UBE2B: variants seen among roughly 807,000 people sequenced by gnomAD.
The protein encoded by UBE2B is ubiquitin conjugating enzyme E2 B.
In UBE2B, 11 loss-of-function variants were observed where a neutral mutation model predicts 24.6. The ratio of observed to expected loss-of-function variants is 0.45; its 90% CI spans 0.28 to 0.74. The LOEUF is 0.74. Among genes scored for constraint, UBE2B ranks in the 30% least tolerant of loss-of-function variants. The probability of loss-of-function intolerance (pLI) is 0.13; values close to 1 mark genes in which losing one functional copy is unlikely to be tolerated. For synonymous variants in UBE2B, 68 were observed against 62.4 expected, an observed-to-expected ratio of 1.09 and a Z score of -0.42; for missense variants, 78 against 185.6, an observed-to-expected ratio of 0.42 and a Z score of 3.37.
chr5:134,390,464 AAAG>A lies in UBE2B; in HGVS notation c.*114_*116del, dbSNP rs1314309888. 2 of 1,366,246 alleles carry A rather than the reference AAAG, an allele frequency of 1.5e-6. No individual in the cohort carries two copies. Among genetic ancestry groups the A allele is most frequent in the East Asian group, 2.4e-5 (1 of 41,874 alleles). The allele number at this position is 1,366,246 out of a possible 1,614,324, so 84.6% of individuals were successfully genotyped here. On this transcript the variant is annotated 3_prime_UTR_variant, in exon 6 of 6. Coordinates refer to ENST00000265339, the MANE Select transcript of UBE2B (RefSeq NM_003337.4). The surrounding 1 kb of genome is among the most constrained non-coding windows in gnomAD (Gnocchi z 4.6). The stretch of plus-strand genomic sequence containing the variant: ...AGGTTTTAAGGATTCTGCAGAAAAA[AAAG>A]AAAAAAGTCCTTCAGTTTAGAACCT...
intron 4 of UBE2B, among the ~76,000 whole-genome samples, chr5:134,384,299 T>C (rs1479024166): frequency 1.3e-5 from 2 of 152,174 alleles, no homozygotes; most frequent in East Asian, 3.8e-4. Context: ...CAGTAATAGA[T>C]ACTACCTTTG....
intron 4 of UBE2B, among the ~76,000 whole-genome samples, chr5:134,387,709 A>G (rs1401858139): frequency 6.6e-6 from 1 of 151,962 alleles, no homozygotes; most frequent in African/African-American, 2.4e-5. Context: ...TCTGGAGTAC[A>G]CTCCTGCCCT....
chr5:134,390,503 G>A lies in UBE2B; in HGVS notation c.*150G>A, dbSNP rs1581328368. ...TTCAGTTTAGAACCTACAAAAGCTT[G>A]TGTATCTTGATTAATGTACTTTTTA... is the stretch of plus-strand genomic sequence containing the variant. On this transcript the variant is annotated 3_prime_UTR_variant, in exon 6 of 6. Transcript: ENST00000265339. This position sits in a 1 kb window ranked among gnomAD's most constrained non-coding sequence, Gnocchi z 4.6. 1.1e-6 allele frequency: 1 copy of A among 872,606 alleles called. No homozygotes were observed. Among genetic ancestry groups the A allele is most frequent in the Non-Finnish European group, 1.7e-6 (1 of 573,160 alleles). 54.1% of individuals were successfully genotyped at this position (872,606 alleles called of 1,614,324 possible). A position where few individuals can be genotyped will look rare whatever the true frequency, so the allele number is the denominator to read the frequency against.
At chr5:134,379,643 CAACA>C (rs1758671339) in intron 3 of UBE2B, among the ~76,000 whole-genome samples, 1 of 92,248 alleles carries the variant, frequency 1.1e-5, no homozygotes, top group Non-Finnish European at 2.2e-5. Context: ...GACTCTGTCT[CAACA>C]AAAAAAAAAA....
Position 134,388,349 on chromosome 5 carries a change from T to G in UBE2B, c.266T>G (p.Leu89Ter). ...GTGTATGCTGATGGTAGCATATGTT[T>G]AGATATCCTTCAGAATCGATGGAGT... ...PNVYADGSIC[L>*]DILQNRWSPT... The change falls in exon 5 of 6, where the codon TTA becomes TGA. Residue 89 changes from leucine (L) to a stop codon, truncating the protein, a stop_gained. Coordinates refer to ENST00000265339, the MANE Select transcript of UBE2B (RefSeq NM_003337.4). LOFTEE classifies it high-confidence loss of function. 6.2e-7 allele frequency: 1 copy of G among 1,614,142 alleles called. No individual in the cohort carries two copies. Among genetic ancestry groups the G allele is most frequent in the Non-Finnish European group, 8.5e-7 (1 of 1,179,984 alleles).
rs1758877102 is a variant in UBE2B, at chr5:134,390,094, A to G, written c.331-131A>G. ...ATTTCTAAAAGTATTTAGACCCAAA[A>G]TTATATGACATGTTAATCTCTGAAG... On this transcript the variant is annotated intron_variant, in intron 5 of 5. Coordinates refer to ENST00000265339, the MANE Select transcript of UBE2B (RefSeq NM_003337.4). The surrounding 1 kb of genome is among the most constrained non-coding windows in gnomAD (Gnocchi z 4.6). The G allele has an allele frequency of 8.7e-7, 1 of 1,154,750 alleles. No homozygotes were observed. 71.5% of individuals were successfully genotyped at this position (1,154,750 alleles called of 1,614,324 possible). A position where few individuals can be genotyped will look rare whatever the true frequency, so the allele number is the denominator to read the frequency against.
At chr5:134,383,615 T>C (rs572272822) in intron 4 of UBE2B, among the ~76,000 whole-genome samples, 2 of 151,372 alleles carry the variant, frequency 1.3e-5, no homozygotes, top group African/African-American at 4.8e-5. Flanking sequence ...CCCAAAGCTG[T>C]ATATCCAGCT....
intron 2 of UBE2B, among the ~76,000 whole-genome samples, chr5:134,376,343 AAAAAAATATATAT>A (rs1182756788): frequency 3.0e-5 from 2 of 67,032 alleles, no homozygotes; most frequent in African/African-American, 1.2e-4. Flanking sequence ...AAAAAAAAAA[AAAAAAATATATAT>A]ATATATATAC....
chr5:134,386,024 A>AAAAGG (rs1758795279), intron 4 of UBE2B, among the ~76,000 whole-genome samples: 1 of 111,790 alleles, frequency 8.9e-6, no homozygotes, highest in South Asian at 2.7e-4. Context: ...AAAAAAAAGA[A>AAAAGG]AAAGAAAAGA....
rs3777373 is a variant in UBE2B, at chr5:134,391,612, A to G, written c.*1259A>G. 0.13 allele frequency: 20,559 copies of G among 152,620 alleles called. 1,667 individuals carry two copies. Among genetic ancestry groups the G allele is most frequent in the African/African-American group, 0.21 (8,891 of 41,520 alleles). 9.5% of individuals were successfully genotyped at this position (152,620 alleles called of 1,614,324 possible). ...CTTCTCATATCCATAAAATTGGATTACAGTATGGCAATATCTACAGCTTCT... is the reference window on the plus strand; with the variant it reads ...CTTCTCATATCCATAAAATTGGATTGCAGTATGGCAATATCTACAGCTTCT... On this transcript the variant is annotated 3_prime_UTR_variant, in exon 6 of 6. Coordinates refer to ENST00000265339, the MANE Select transcript of UBE2B (RefSeq NM_003337.4).
At chr5:134,371,858 A>G (rs990674334) in intron 1 of UBE2B, among the ~76,000 whole-genome samples, 2 of 152,142 alleles carry the variant, frequency 1.3e-5, no homozygotes, top group African/African-American at 4.8e-5. Flanking sequence ...CTCCCCACAA[A>G]AAGTAAAACG....
chr5:134,389,794 G>A (rs167870), intron 5 of UBE2B: 19 of 196,572 alleles, frequency 9.7e-5, no homozygotes, highest in Non-Finnish European at 1.5e-4. Flanking sequence ...TGATCTGCCC[G>A]CCTCGGCCTC....
At chr5:134,377,835 C>T (rs983907889) in intron 3 of UBE2B, among the ~76,000 whole-genome samples, 1 of 152,180 alleles carries the variant, frequency 6.6e-6, no homozygotes, top group African/African-American at 2.4e-5. Context: ...TATCTTAGAA[C>T]AAATCAAGGC....
chr5:134,383,568 T>G (rs1275917067), intron 4 of UBE2B, among the ~76,000 whole-genome samples: 1 of 146,144 alleles, frequency 6.8e-6, no homozygotes, highest in Admixed American at 7.0e-5. Flanking sequence ...CGGCAACCTC[T>G]GCCTGTTGGG....
Position 134,376,348 on chromosome 5 carries a change from AAT to A in UBE2B, c.126-305_126-304del, listed in dbSNP as rs1190025064. Among the ~76,000 whole-genome samples, 24 of 4,772 alleles carry A rather than the reference AAT, an allele frequency of 5.0e-3. 2 individuals are homozygous for A. The highest frequency in any genetic ancestry group is 9.4e-3 in the Non-Finnish European group (17 of 1,804). 3.1% of individuals were successfully genotyped at this position (4,772 alleles called of 152,430 possible). ...AAAAAAAAAAAAAAAAAAAAAAAAAAATATATATATATATATACACATATGTA... is the reference window on the plus strand; with the variant it reads ...AAAAAAAAAAAAAAAAAAAAAAAAAAATATATATATATATACACATATGTA... On this transcript the variant is annotated intron_variant, in intron 2 of 5. Coordinates refer to ENST00000265339, the MANE Select transcript of UBE2B (RefSeq NM_003337.4).
rs183762521 is a variant in UBE2B at position 134,381,189 on chromosome 5, A to G, written c.241+381A>G. ...CACCATGTTAGCCAGGATGGTCTCG[A>G]TCTCCTGACCTTGTGATCTGCCCAC... On this transcript the variant is annotated intron_variant, in intron 4 of 5. Transcript: ENST00000265339. 5.1e-3 allele frequency among the ~76,000 whole-genome samples: 776 copies of G among 151,816 alleles called. 2 individuals carry two copies. Among genetic ancestry groups the G allele is most frequent in the Non-Finnish European group, 8.4e-3 (569 of 67,940 alleles).
In UBE2B at chr5:134,374,369, C is replaced by A. The variant is rs1157509865; in HGVS notation, c.45-14C>A. ...TAATGTTCAACTTTTTAAATTACCA[C>A]GCTGGATTTCCAGGTTACAAGAGGA... On this transcript the variant is annotated splice_polypyrimidine_tract_variant and intron_variant, in intron 1 of 5. Transcript: ENST00000265339. The A allele has an allele frequency of 6.4e-7, 1 of 1,552,258 alleles. No homozygotes were observed. Among genetic ancestry groups the A allele is most frequent in the African/African-American group, 1.4e-5 (1 of 73,224 alleles).
At chr5:134,379,121 T>G (rs1581321840) in intron 3 of UBE2B, among the ~76,000 whole-genome samples, 1 of 152,184 alleles carries the variant, frequency 6.6e-6, no homozygotes, top group East Asian at 1.9e-4. Flanking sequence ...TTGGAGGATC[T>G]GTAAACTCGA....
chr5:134,381,461 A>G (rs1758708790), intron 4 of UBE2B, among the ~76,000 whole-genome samples: 1 of 151,870 alleles, frequency 6.6e-6, no homozygotes, highest in African/African-American at 2.4e-5. Context: ...TGTAGACACA[A>G]AGTCTCTGTG....
Sources: gnomAD v4.1 joint callset for allele counts (sites outside exome capture counted in the v4.1 genomes callset) on GRCh38, gnomAD v4.1.1 for gene constraint, Gnocchi (gnomAD v3.1) non-coding constraint, MANE v1.5 for transcripts, NCBI Gene and HGNC (gene_info 2026-07-23, HGNC 2026-07-21) for gene names.